The following PEX14 variants were observed in gnomAD, a reference collection of about 807,000 sequenced individuals.
The protein encoded by PEX14 is peroxisomal biogenesis factor 14.
A neutral mutation model predicts 49.5 loss-of-function variants in PEX14; 15 were observed. The ratio of observed to expected loss-of-function variants is 0.30; its 90% CI spans 0.20 to 0.47. The LOEUF (loss-of-function observed/expected upper bound fraction) is 0.47. Ranked by LOEUF, PEX14 falls within the 20% of genes least tolerant of loss-of-function variation. The probability of loss-of-function intolerance (pLI) is 1.00; values close to 1 mark genes in which losing one functional copy is unlikely to be tolerated. For missense variants in PEX14, 398 were observed against 494.8 expected (o/e 0.80, Z 1.86); for synonymous variants, 210 against 212.7 (o/e 0.99, Z 0.11).
intron 3 of PEX14, among the ~76,000 whole-genome samples, chr1:10,555,471 G>A (rs1639458822): frequency 6.6e-6 from 1 of 152,120 alleles, no homozygotes; most frequent in Admixed American, 6.6e-5. Flanking sequence ...CCCAAAAAAA[G>A]CACCTCTCAT....
chr1:10,480,983 A>G (rs1641274405), intron 1 of PEX14, among the ~76,000 whole-genome samples: 1 of 152,004 alleles, frequency 6.6e-6, no homozygotes, highest in Non-Finnish European at 1.5e-5. Context: ...TAACCACAAT[A>G]TCATTATCAC....
intron 1 of PEX14, among the ~76,000 whole-genome samples, chr1:10,484,538 C>A (rs1316275233): frequency 6.6e-6 from 1 of 151,818 alleles, no homozygotes; most frequent in Non-Finnish European, 1.5e-5. Context: ...ATTTGTTGAT[C>A]TGTTCACCAG....
chr1:10,546,161 T>C (rs1301870780), intron 3 of PEX14, among the ~76,000 whole-genome samples: 2 of 152,230 alleles, frequency 1.3e-5, no homozygotes, highest in Non-Finnish European at 2.9e-5. Context: ...CAATAGTATA[T>C]GTTCTCTTAG....
Position 10,583,409 on chromosome 1 carries a change from GT to G in PEX14, c.170-15828del, listed in dbSNP as rs1255888775. On this transcript the variant is annotated intron_variant, in intron 3 of 8. Transcript: ENST00000356607. ...TTTTTTTTTTTTTTTTTTTAAAAAG[GT>G]GAGGTTGCACTATGTTGTCCAGGCT... Among the ~76,000 whole-genome samples, 32 of 144,666 alleles carry G rather than the reference GT, an allele frequency of 2.2e-4. 1 individual carries two copies. In the East Asian group the frequency reaches 2.5e-3, roughly 11 times the overall value. 94.9% of individuals were successfully genotyped at this position (144,666 alleles called of 152,430 possible). A position where few individuals can be genotyped will look rare whatever the true frequency, so the allele number is the denominator to read the frequency against.
intron 3 of PEX14, among the ~76,000 whole-genome samples, chr1:10,568,329 C>G (rs994349608): frequency 2.2e-5 from 3 of 136,274 alleles, no homozygotes; most frequent in South Asian, 2.6e-4. Flanking sequence ...CTCTTCCCCC[C>G]CCCCCCCCCA....
At chr1:10,601,262 C>CAA (rs58910333) in intron 4 of PEX14, among the ~76,000 whole-genome samples, 656 of 56,572 alleles carry the variant, frequency 0.012, 30 homozygotes, top group African/African-American at 0.033. Context: ...GACTCTGTCT[C>CAA]AAAAAAAAAA....
At chr1:10,542,079 G>GA (rs1639032481) in intron 3 of PEX14, among the ~76,000 whole-genome samples, 1 of 16,032 alleles carries the variant, frequency 6.2e-5, no homozygotes, top group East Asian at 3.7e-3. Context: ...GCATGTATTA[G>GA]TAAAAAAAAA....
At chr1:10,503,001 A>G (rs1031705009) in intron 2 of PEX14, among the ~76,000 whole-genome samples, 12 of 151,540 alleles carry the variant, frequency 7.9e-5, no homozygotes, top group Middle Eastern at 3.4e-3. Flanking sequence ...AGGTCTCACT[A>G]TGTTGCCCAG....
intron 2 of PEX14, among the ~76,000 whole-genome samples, chr1:10,504,962 T>A (rs562057412): frequency 6.6e-6 from 1 of 152,072 alleles, no homozygotes; most frequent in Non-Finnish European, 1.5e-5. Flanking sequence ...TTTTTGTATT[T>A]TTAGTAGAGA....
chr1:10,538,608 C>T (rs1198715359), intron 3 of PEX14, among the ~76,000 whole-genome samples: 3 of 152,214 alleles, frequency 2.0e-5, no homozygotes, highest in African/African-American at 7.2e-5. Flanking sequence ...GGAAGAAAAG[C>T]CCCTTCGCAG....
intron 3 of PEX14, among the ~76,000 whole-genome samples, chr1:10,582,452 T>A (rs920713075): frequency 2.0e-5 from 3 of 152,162 alleles, no homozygotes; most frequent in Admixed American, 2.0e-4. Context: ...GCCATCTATG[T>A]TTGACAACCA....
At chr1:10,485,720 T>C (rs1414666886) in intron 1 of PEX14, among the ~76,000 whole-genome samples, 2 of 151,482 alleles carry the variant, frequency 1.3e-5, no homozygotes, top group African/African-American at 4.9e-5. Flanking sequence ...TATATATTGG[T>C]CTTGTATCTG....
At chr1:10,530,838 CTGGAT>C (rs1022995500) in intron 2 of PEX14, among the ~76,000 whole-genome samples, 133 of 152,256 alleles carry the variant, frequency 8.7e-4, no homozygotes, top group African/African-American at 2.9e-3. Context: ...TGGGGAAATC[CTGGAT>C]TGAGGCTCAC....
intron 4 of PEX14, among the ~76,000 whole-genome samples, chr1:10,602,279 G>A (rs1267732739): frequency 6.6e-6 from 1 of 151,980 alleles, no homozygotes; most frequent in East Asian, 1.9e-4. Context: ...AAAAACAATG[G>A]TAATGATAAT....
intron 2 of PEX14, among the ~76,000 whole-genome samples, chr1:10,522,857 A>T (rs1419910040): frequency 6.6e-6 from 1 of 152,250 alleles, no homozygotes; most frequent in African/African-American, 2.4e-5. Context: ...GGAATTATGT[A>T]AAATGGATTA....
rs147734041 is a variant in PEX14 at position 10,486,491 on chromosome 1, G to T, written c.37-8783G>T. Among the ~76,000 whole-genome samples the T allele has an allele frequency of 6.6e-5, 10 of 151,796 alleles. No individual in the cohort carries two copies. In the East Asian group the frequency reaches 1.9e-3, roughly 29 times the overall value. ...GGCCAGGAGTTCGAGACCAGCCTGG[G>T]CAACATAGCGAGGCTCTGTCTCTAT... On this transcript the variant is annotated intron_variant, in intron 1 of 8. Coordinates refer to ENST00000356607, the MANE Select transcript of PEX14 (RefSeq NM_004565.3).
rs752688103 is a variant in PEX14 at position 10,627,296 on chromosome 1, C to T, written c.610C>T (p.Leu204=). 5.0e-6 allele frequency: 8 copies of T among 1,613,790 alleles called. No homozygotes were observed. Among genetic ancestry groups the T allele is most frequent in the Non-Finnish European group, 5.9e-6 (7 of 1,179,780 alleles). ...GGCCACCACATCCACCAACTGGATC[C>T]TGGAGTCCCAGAATATCAACGAACT... ...AKATTSTNWI[L]ESQNINELKS... is the part of the protein sequence containing the mutation. Residue 204 remains leucine (L), a synonymous_variant, in exon 8 of 9, where the codon CTG becomes TTG. Coordinates refer to ENST00000356607, the MANE Select transcript of PEX14 (RefSeq NM_004565.3).
At chr1:10,586,793 C>G (rs1049253708) in intron 3 of PEX14, among the ~76,000 whole-genome samples, 1 of 151,942 alleles carries the variant, frequency 6.6e-6, no homozygotes, top group African/African-American at 2.4e-5. Context: ...GTGCCCACCA[C>G]CATGCCCAGC....
intron 2 of PEX14, chr1:10,535,932 G>T: frequency 2.4e-6 from 1 of 423,238 alleles, no homozygotes. Context: ...TGAAGAATCA[G>T]CTCGAATGGA....
Sources: allele counts gnomAD v4.1 joint callset (sites outside exome capture counted in the v4.1 genomes callset), GRCh38; gene constraint gnomAD v4.1.1; transcripts MANE v1.5; gene names NCBI Gene and HGNC (gene_info 2026-07-23, HGNC 2026-07-21).